Variants in PTPRD observed in about 807,000 individuals in gnomAD.
PTPRD encodes the protein receptor-type tyrosine-protein phosphatase delta.
A neutral mutation model predicts 214.5 loss-of-function variants in PTPRD; 34 were observed. The observed-to-expected ratio is 0.16, with a 90% CI of 0.12 to 0.21. The LOEUF (loss-of-function observed/expected upper bound fraction) is 0.21, where lower values mean the gene tolerates loss of function less well. PTPRD is among the 10% of genes least tolerant of loss of function. The pLI is 1.00. For synonymous variants in PTPRD, 1,128 were observed against 845.7 expected (o/e 1.33, Z -5.79); for missense variants, 2,545 against 2,398.7 (o/e 1.06, Z -1.27).
chr9:9,072,077 A>G (rs976491324), intron 10 of PTPRD, among the ~76,000 whole-genome samples: 1 of 152,182 alleles, frequency 6.6e-6, no homozygotes, highest in African/African-American at 2.4e-5. Context: ...TTGATTTTGC[A>G]AAGCAGGATA....
At chr9:9,337,098 T>C (rs1489610431) in intron 9 of PTPRD, among the ~76,000 whole-genome samples, 1 of 152,174 alleles carries the variant, frequency 6.6e-6, no homozygotes, top group Non-Finnish European at 1.5e-5. Context: ...GGCTGTACTT[T>C]CCCAACATTT....
chr9:10,240,971 G>A (rs1049315697), intron 3 of PTPRD, among the ~76,000 whole-genome samples: 47 of 150,374 alleles, frequency 3.1e-4, no homozygotes, highest in African/African-American at 1.1e-3. Flanking sequence ...ATACAACAAA[G>A]GCCTCATATA....
At chr9:9,122,857 C>T (rs1299097361) in intron 10 of PTPRD, among the ~76,000 whole-genome samples, 2 of 152,138 alleles carry the variant, frequency 1.3e-5, no homozygotes, top group Admixed American at 6.5e-5. Context: ...AAACCCAATC[C>T]CATTTCCAGT....
intron 8 of PTPRD, among the ~76,000 whole-genome samples, chr9:9,415,866 G>A (rs1040505288): frequency 3.9e-5 from 6 of 152,192 alleles, no homozygotes; most frequent in African/African-American, 1.4e-4. Context: ...GGTTAGTCGG[G>A]TAGGACGGGG....
chr9:10,275,309 G>C (rs7869963), intron 3 of PTPRD, among the ~76,000 whole-genome samples: 130,360 of 152,106 alleles, frequency 0.86, 55,899 homozygotes, highest in East Asian at 0.96. Context: ...ACCATATGGG[G>C]TAGAGAGGTC....
At chr9:8,835,359 G>A (rs138579762) in intron 11 of PTPRD, among the ~76,000 whole-genome samples, 22 of 152,270 alleles carry the variant, frequency 1.4e-4, no homozygotes, top group Middle Eastern at 6.8e-3. Flanking sequence ...GTTGAATAAC[G>A]CACCCAAGCA....
intron 8 of PTPRD, among the ~76,000 whole-genome samples, chr9:9,549,503 G>C (rs923285789): frequency 2.6e-5 from 4 of 152,052 alleles, no homozygotes; most frequent in Admixed American, 6.6e-5. Context: ...AAAATAGATA[G>C]TCAACAAGAC....
At chr9:9,317,196 C>A (rs1963707523) in intron 9 of PTPRD, among the ~76,000 whole-genome samples, 1 of 152,068 alleles carries the variant, frequency 6.6e-6, no homozygotes, top group African/African-American at 2.4e-5. Context: ...CAGGTTTTGT[C>A]CTCTGCTCAC....
chr9:9,399,841 A>G (rs1328500928), intron 8 of PTPRD, among the ~76,000 whole-genome samples: 1 of 151,978 alleles, frequency 6.6e-6, no homozygotes, highest in African/African-American at 2.4e-5. Flanking sequence ...TCAATTAAAC[A>G]TCTTTCCTTT....
rs181963164 is a variant in PTPRD, at chr9:8,775,757, G to C, written c.-103-41811C>G. On this transcript the variant is annotated intron_variant, in intron 11 of 45. Transcript: ENST00000381196. ...CCAGCACTTTGGGAGGCCAAGGCAG[G>C]AGGATTACTTGAGCTCAGGAGTTCA... Among the ~76,000 whole-genome samples, 373 of 152,032 alleles carry C rather than the reference G, an allele frequency of 2.5e-3. 1 individual carries two copies. The highest frequency in any genetic ancestry group is 7.9e-3 in the African/African-American group (327 of 41,452).
At chr9:10,366,772 T>C (rs941175589) in intron 2 of PTPRD, among the ~76,000 whole-genome samples, 2 of 152,174 alleles carry the variant, frequency 1.3e-5, no homozygotes, top group African/African-American at 2.4e-5. Flanking sequence ...ACTTGCTCCA[T>C]GTTTTGATGC....
At chr9:8,479,873 CTTCA>C (rs1189582416) in intron 30 of PTPRD, among the ~76,000 whole-genome samples, 1 of 151,558 alleles carries the variant, frequency 6.6e-6, no homozygotes, top group African/African-American at 2.4e-5. Flanking sequence ...TTCCCTGTTC[CTTCA>C]TTATTTGTAA....
intron 5 of PTPRD, among the ~76,000 whole-genome samples, chr9:9,829,991 A>G (rs1421031396): frequency 6.6e-6 from 1 of 151,852 alleles, no homozygotes; most frequent in Non-Finnish European, 1.5e-5. Context: ...TATCTGTTAA[A>G]GTATAGCAGA....
At chr9:8,318,978 A>G (rs994803774) in intron 45 of PTPRD, among the ~76,000 whole-genome samples, 1 of 152,130 alleles carries the variant, frequency 6.6e-6, no homozygotes, top group Admixed American at 6.6e-5. Flanking sequence ...TGCAAAATAA[A>G]TGGTGTTTAC....
At chr9:9,953,440 G>C (rs2093629832) in intron 4 of PTPRD, among the ~76,000 whole-genome samples, 1 of 151,384 alleles carries the variant, frequency 6.6e-6, no homozygotes, top group Admixed American at 6.6e-5. Context: ...AACTACTTAT[G>C]CCCCAAAAGC....
rs373142821 is a variant in PTPRD, at chr9:9,803,400, C to T, written c.-367-36549G>A. 2.6e-5 allele frequency among the ~76,000 whole-genome samples: 4 copies of T among 152,046 alleles called. No homozygotes were observed. The East Asian group carries it at 5.8e-4, about 22-fold the overall frequency. ...AAGAAACTATTTTTTCATTAGATTG[C>T]TTCAGTATCTACAATTCAGAAATAA... On this transcript the variant is annotated intron_variant, in intron 5 of 45. Coordinates refer to ENST00000381196, the MANE Select transcript of PTPRD (RefSeq NM_002839.4).
intron 11 of PTPRD, among the ~76,000 whole-genome samples, chr9:8,823,822 G>A (rs1158428713): frequency 1.3e-5 from 2 of 152,182 alleles, no homozygotes; most frequent in Non-Finnish European, 2.9e-5. Flanking sequence ...AGTGCAAAGT[G>A]AAAGCAAGTT....
At chr9:9,481,433 T>G (rs1256512170) in intron 8 of PTPRD, among the ~76,000 whole-genome samples, 2 of 152,154 alleles carry the variant, frequency 1.3e-5, no homozygotes, top group African/African-American at 4.8e-5. Flanking sequence ...AGCATAATTT[T>G]CTGTTGTGCT....
intron 11 of PTPRD, among the ~76,000 whole-genome samples, chr9:8,741,285 A>G (rs2091859337): frequency 6.6e-6 from 1 of 152,168 alleles, no homozygotes; most frequent in Admixed American, 6.5e-5. Flanking sequence ...TTTGAAAAGA[A>G]GGATAGCTTT....
Sources: allele counts gnomAD v4.1 joint callset (sites outside exome capture counted in the v4.1 genomes callset), GRCh38; gene constraint gnomAD v4.1.1; transcripts MANE v1.5; gene names NCBI Gene and HGNC (gene_info 2026-07-23, HGNC 2026-07-21).